The following C10orf67 variants were observed in gnomAD, a reference collection of about 807,000 sequenced individuals.
C10orf67 encodes the protein chromosome 10 open reading frame 67, also known as uncharacterized protein C10orf67, mitochondrial.
Under a neutral mutation model 35.6 loss-of-function variants are expected in C10orf67, and 60 were observed. The observed-to-expected ratio is 1.68, with a 90% CI of 1.37 to 2.09. The LOEUF (loss-of-function observed/expected upper bound fraction) is 2.09. Among genes scored for constraint, C10orf67 ranks in the 30% most tolerant of loss-of-function variants. The pLI, the probability that C10orf67 is intolerant of heterozygous loss-of-function variation, is 0.00. For synonymous variants in C10orf67, 167 were observed against 115.8 expected, an observed-to-expected ratio of 1.44 and a Z score of -2.84; for missense variants, 474 against 330.2, an observed-to-expected ratio of 1.44 and a Z score of -3.38.
At chr10:23,332,723 G>A (rs1487968410) in intron 2 of C10orf67, among the ~76,000 whole-genome samples, 1 of 150,888 alleles carries the variant, frequency 6.6e-6, no homozygotes, top group African/African-American at 2.4e-5. Context: ...GTCAAAATTT[G>A]ACAAAGCTGG....
At chr10:23,205,658 C>T (rs1213798384) in intron 15 of C10orf67, among the ~76,000 whole-genome samples, 1 of 152,098 alleles carries the variant, frequency 6.6e-6, no homozygotes, top group Non-Finnish European at 1.5e-5. Context: ...ATGTCCTGAA[C>T]AATCTGGGAA....
intron 13 of C10orf67, among the ~76,000 whole-genome samples, chr10:23,225,822 A>G (rs1841722570): frequency 6.6e-6 from 1 of 152,208 alleles, no homozygotes. Flanking sequence ...AGAGCTAGCT[A>G]TCCTAAATAT....
chr10:23,328,764 G>A (rs1240387649), intron 2 of C10orf67, among the ~76,000 whole-genome samples: 3 of 150,052 alleles, frequency 2.0e-5, no homozygotes, highest in African/African-American at 4.9e-5. Context: ...CAGGAGGATC[G>A]CTTAAGCTCA....
At chr10:23,214,410 GAC>G (rs1841381957) in intron 15 of C10orf67, among the ~76,000 whole-genome samples, 1 of 152,128 alleles carries the variant, frequency 6.6e-6, no homozygotes, top group Non-Finnish European at 1.5e-5. Flanking sequence ...GTGTTAAAGA[GAC>G]AATCATGATG....
intron 13 of C10orf67, among the ~76,000 whole-genome samples, chr10:23,228,019 G>T (rs1235658314): frequency 5.9e-5 from 9 of 152,056 alleles, no homozygotes; most frequent in Non-Finnish European, 7.4e-5. Context: ...CCGCCCAAGG[G>T]AATTTATAGA....
At chr10:23,270,946 GAC>G (rs773077076) in intron 8 of C10orf67, among the ~76,000 whole-genome samples, 45 of 152,300 alleles carry the variant, frequency 3.0e-4, no homozygotes, top group Non-Finnish European at 6.5e-4. Context: ...CTCTCCCTGG[GAC>G]AGAGCCCCAA....
chr10:23,302,965 A>C (rs1362767026), intron 5 of C10orf67, among the ~76,000 whole-genome samples: 2 of 152,162 alleles, frequency 1.3e-5, no homozygotes, highest in Non-Finnish European at 2.9e-5. Context: ...CTTTGACTGC[A>C]AAAAAAGGTG....
At chr10:23,309,633 G>A (rs540491705) in intron 4 of C10orf67, among the ~76,000 whole-genome samples, 1 of 152,270 alleles carries the variant, frequency 6.6e-6, no homozygotes, top group East Asian at 1.9e-4. Context: ...GCTGTTTAGG[G>A]AATGATGTTC....
intron 2 of C10orf67, among the ~76,000 whole-genome samples, chr10:23,326,136 T>C (rs183080782): frequency 1.9e-4 from 29 of 152,300 alleles, no homozygotes; most frequent in Middle Eastern, 3.4e-3. Flanking sequence ...ATATATTTAG[T>C]GGCTCCAAAT....
At chr10:23,284,114 T>TAAAA (rs71395837) in intron 7 of C10orf67, among the ~76,000 whole-genome samples, 2 of 137,550 alleles carry the variant, frequency 1.5e-5, no homozygotes, top group Non-Finnish European at 3.1e-5. Context: ...ATCCAGGGCT[T>TAAAA]AAAAAAAAAA....
intron 5 of C10orf67, among the ~76,000 whole-genome samples, chr10:23,297,172 G>T (rs918249796): frequency 1.4e-4 from 21 of 152,054 alleles, no homozygotes; most frequent in Middle Eastern, 3.4e-3. Context: ...TTCTAATGGA[G>T]GGTCCTTCCT....
At chr10:23,269,329 C>T (rs1348902869) in intron 8 of C10orf67, among the ~76,000 whole-genome samples, 2 of 152,190 alleles carry the variant, frequency 1.3e-5, no homozygotes, top group South Asian at 4.1e-4. Context: ...TTGTCCAACA[C>T]TAACTCCAAG....
intron 1 of C10orf67, among the ~76,000 whole-genome samples, chr10:23,336,078 G>A (rs1438946783): frequency 1.3e-5 from 2 of 152,164 alleles, no homozygotes; most frequent in Non-Finnish European, 2.9e-5. Flanking sequence ...TAAGAATGTG[G>A]GTCAGTTGGG....
At chr10:23,297,230 CCCTTTCCTTT>C (rs55638393) in intron 5 of C10orf67, among the ~76,000 whole-genome samples, 11,358 of 145,678 alleles carry the variant, frequency 0.078, 989 homozygotes, top group African/African-American at 0.21. Flanking sequence ...CTTTCTATTT[CCCTTTCCTTT>C]CCTTTCCTTT....
At chr10:23,211,774 A>G (rs1427216980) in intron 15 of C10orf67, among the ~76,000 whole-genome samples, 3 of 152,210 alleles carry the variant, frequency 2.0e-5, no homozygotes, top group Non-Finnish European at 4.4e-5. Flanking sequence ...TTGAACACAT[A>G]GGATATTTTT....
chr10:23,339,622 C>T (rs1845810290), intron 1 of C10orf67, among the ~76,000 whole-genome samples: 1 of 152,186 alleles, frequency 6.6e-6, no homozygotes, highest in African/African-American at 2.4e-5. Flanking sequence ...CATTCCTAAT[C>T]TCAGCCTTTG....
Position 23,335,433 on chromosome 10 carries a change from A to G in C10orf67, c.207-2251T>C, listed in dbSNP as rs182936149. ...CCTCTTATGGAAAATAATAGTCCCC[A>G]CTTCATAGACTTACTGTGAGAATTT... On this transcript the variant is annotated intron_variant, in intron 1 of 15. Transcript: ENST00000636213. Among the ~76,000 whole-genome samples the G allele has an allele frequency of 2.0e-5, 3 of 152,320 alleles. No individual in the cohort carries two copies. In the East Asian group the frequency reaches 5.8e-4, roughly 29 times the overall value.
intron 10 of C10orf67, among the ~76,000 whole-genome samples, chr10:23,257,739 G>A (rs758134114): frequency 2.6e-4 from 39 of 152,008 alleles, no homozygotes; most frequent in Non-Finnish European, 4.4e-4. Flanking sequence ...GGAGACAGAC[G>A]TTTCAGTGAG....
At chr10:23,315,243 A>C (rs1844656089) in intron 4 of C10orf67, among the ~76,000 whole-genome samples, 1 of 152,246 alleles carries the variant, frequency 6.6e-6, no homozygotes. Context: ...CATATTTATG[A>C]AAAACTGATG....
Sources: allele counts gnomAD v4.1 joint callset (sites outside exome capture counted in the v4.1 genomes callset), GRCh38; gene constraint gnomAD v4.1.1; transcripts MANE v1.5; gene names NCBI Gene and HGNC (gene_info 2026-07-23, HGNC 2026-07-21).